The following KREMEN1 variants were observed in gnomAD, a reference collection of about 807,000 sequenced individuals.
KREMEN1 encodes kremen protein 1.
A neutral mutation model predicts 46.5 loss-of-function variants in KREMEN1; 30 were observed. The observed-to-expected ratio is 0.65, with a 90% CI of 0.48 to 0.88. The LOEUF (loss-of-function observed/expected upper bound fraction) is 0.88. KREMEN1 is among the 40% of genes least tolerant of loss of function. The pLI is 0.00. For missense variants in KREMEN1, 533 were observed against 596.9 expected, an observed-to-expected ratio of 0.89 and a Z score of 1.11; for synonymous variants, 214 against 230.6, an observed-to-expected ratio of 0.93 and a Z score of 0.65.
chr22:29,168,184 A>C (rs921163468), exon 10 of KREMEN1: 11 of 151,874 alleles, frequency 7.2e-5, no homozygotes, highest in African/African-American at 2.7e-4. Flanking sequence ...AAAATACAAA[A>C]ATTAGTTGGG....
rs1405063311 is a variant in KREMEN1 at position 29,131,594 on chromosome 22, GTATA to G, written c.632-5746_632-5743del. 6.7e-4 allele frequency among the ~76,000 whole-genome samples: 82 copies of G among 121,884 alleles called. 1 individual carries two copies. The East Asian group carries it at 8.6e-3, about 13-fold the overall frequency. The allele number at this position is 121,884 out of a possible 152,430, so 80.0% of individuals were successfully genotyped here. A position where few individuals can be genotyped will look rare whatever the true frequency, so the allele number is the denominator to read the frequency against. On this transcript the variant is annotated intron_variant, in intron 5 of 8. Coordinates refer to ENST00000400335, the MANE Select transcript of KREMEN1 (RefSeq NM_001039570.3). The stretch of plus-strand genomic sequence containing the variant: ...TGTGTGTGTGTGTGTGTGTGTGTGT[GTATA>G]TGTATATATGTGTGTATATATATGT...
intron 2 of KREMEN1, among the ~76,000 whole-genome samples, chr22:29,096,805 G>A (rs1193879286): frequency 1.3e-5 from 2 of 152,160 alleles, no homozygotes; most frequent in East Asian, 1.9e-4. Flanking sequence ...GCTGAACACC[G>A]AATAGAGGGA....
rs547901551 is a variant in KREMEN1, at chr22:29,146,500, G to A, written c.*4388G>A. 3 of 985,414 alleles carry A rather than the reference G, an allele frequency of 3.0e-6. No individual in the cohort carries two copies. The highest frequency in any genetic ancestry group is 1.1e-4 in the East Asian group (1 of 8,820). 61.0% of individuals were successfully genotyped at this position (985,414 alleles called of 1,614,324 possible). On this transcript the variant is annotated 3_prime_UTR_variant, in exon 9 of 9. Coordinates refer to ENST00000400335, the MANE Select transcript of KREMEN1 (RefSeq NM_001039570.3). ...ACACAAAGACTGGAGGCCCTTCCCC[G>A]CCCGCACGGGAGCTGCCATCGTGGG...
chr22:29,117,357 G>A lies in KREMEN1; in HGVS notation c.353-4000G>A, dbSNP rs577044835. Among the ~76,000 whole-genome samples, 17 of 152,300 alleles carry A rather than the reference G, an allele frequency of 1.1e-4. 1 individual carries two copies. The South Asian group carries it at 3.1e-3, about 28-fold the overall frequency. ...CCAAGGTGGGCGGATCGCAAGGTCA[G>A]GAGATCGAGACCATCCTGGCTAACA... On this transcript the variant is annotated intron_variant, in intron 3 of 8. Transcript: ENST00000400335.
Position 29,098,924 on chromosome 22 carries a change from G to C in KREMEN1, c.323G>C (p.Trp108Ser). 5 of 1,613,856 alleles carry C rather than the reference G, an allele frequency of 3.1e-6. No homozygotes were observed. The highest frequency in any genetic ancestry group is 4.2e-6 in the Non-Finnish European group (5 of 1,179,734). The change falls in exon 3 of 9, where the codon TGG (tryptophan) becomes TCG (serine). Residue 108 changes from tryptophan (W) to serine (S), a missense_variant. Transcript: ENST00000400335. Reference protein sequence around the residue: ...YVAEHEDGVYWKYCEIPACQM... With the variant: ...YVAEHEDGVYSKYCEIPACQM... Reference sequence around the variant, plus strand: ...GCAGAGCACGAGGATGGTGTCTACTGGAAGTACTGTGAGATACCTGCTTGC... The same window carrying C: ...GCAGAGCACGAGGATGGTGTCTACTCGAAGTACTGTGAGATACCTGCTTGC...
At chr22:29,167,071 C>T in exon 10 of KREMEN1, 1 of 1,551,700 alleles carries the variant, frequency 6.4e-7, no homozygotes, top group Non-Finnish European at 8.7e-7. Flanking sequence ...AGTGACATCA[C>T]TCATCTGGTC....
chr22:29,151,665 C>T (rs1018845858), downstream of KREMEN1, among the ~76,000 whole-genome samples: 2 of 152,070 alleles, frequency 1.3e-5, no homozygotes, highest in African/African-American at 2.4e-5. Context: ...TCATGTGTCA[C>T]GAAATGCTAC....
At chr22:29,137,070 C>A (rs985143784) in intron 5 of KREMEN1, among the ~76,000 whole-genome samples, 1 of 152,200 alleles carries the variant, frequency 6.6e-6, no homozygotes, top group Non-Finnish European at 1.5e-5. Flanking sequence ...CCTGCCAGTC[C>A]CAAGTCCAGA....
At chr22:29,094,603 ACACACACACAC>A (rs1389575698) in intron 2 of KREMEN1, among the ~76,000 whole-genome samples, 183 bp downstream of exon 2, 6 of 144,268 alleles carry the variant, frequency 4.2e-5, no homozygotes, top group Non-Finnish European at 8.9e-5. Flanking sequence ...ACACACACAC[ACACACACACAC>A]AATTTACCAC....
Position 29,146,264 on chromosome 22 carries a change from C to T in KREMEN1, c.*4152C>T. The T allele has an allele frequency of 1.0e-6, 1 of 985,946 alleles. No individual in the cohort carries two copies. Among genetic ancestry groups the T allele is most frequent in the Non-Finnish European group, 1.2e-6 (1 of 829,996 alleles). 61.1% of individuals were successfully genotyped at this position (985,946 alleles called of 1,614,324 possible). On this transcript the variant is annotated 3_prime_UTR_variant, in exon 9 of 9. Transcript: ENST00000400335. ...TCCTGGCCAGGTCTCAGCTTAGCTT[C>T]CCTGGTGTGGGGTGTTTTTCAAGCC...
In KREMEN1 at chr22:29,073,178, C is replaced by T. The variant is rs2037499374; in HGVS notation, c.48C>T (p.Leu16=). 1 of 1,180,654 alleles carries T rather than the reference C, an allele frequency of 8.5e-7. No homozygotes were observed. The highest frequency in any genetic ancestry group is 4.0e-5 in the East Asian group (1 of 25,248). 73.1% of individuals were successfully genotyped at this position (1,180,654 alleles called of 1,614,324 possible). Reference sequence around the variant, plus strand: ...TCGCCCTGCTCTCCGCCGCGGCGCTCACGCTGGCGGCCCGGCCCGCGCCTA... The same window carrying T: ...TCGCCCTGCTCTCCGCCGCGGCGCTTACGCTGGCGGCCCGGCCCGCGCCTA... ...ARLALLSAAA[L]TLAARPAPSP... is the part of the protein sequence containing the mutation. Residue 16 remains leucine, a synonymous_variant, in exon 1 of 9, where the codon CTC becomes CTT. Transcript: ENST00000400335. This position sits in a 1 kb window ranked among gnomAD's most constrained non-coding sequence, Gnocchi z 4.4.
rs2038847030 is a variant in KREMEN1 at position 29,145,687 on chromosome 22, AC to A, written c.*3578del. Reference sequence around the variant, plus strand: ...CAAAGCAGAGAATGAGTAGGAGTGAACCCGAGTGACTTCACCCGCCCTGTCC... The same window carrying A: ...CAAAGCAGAGAATGAGTAGGAGTGAACCGAGTGACTTCACCCGCCCTGTCC... On this transcript the variant is annotated 3_prime_UTR_variant, in exon 9 of 9. Transcript: ENST00000400335. 7 of 985,322 alleles carry A rather than the reference AC, an allele frequency of 7.1e-6. No individual in the cohort carries two copies. In the South Asian group the frequency reaches 2.8e-4, roughly 40 times the overall value. The allele number at this position is 985,322 out of a possible 1,614,324, so 61.0% of individuals were successfully genotyped here. A position where few individuals can be genotyped will look rare whatever the true frequency, so the allele number is the denominator to read the frequency against.
In KREMEN1 at chr22:29,145,992, T is replaced by C; in HGVS notation, c.*3880T>C. Reference sequence around the variant, plus strand: ...CAGCCAGGCCATCACCCAGCCCCGATGCATCCTGGCACTGCACGCTTACTC... The same window carrying C: ...CAGCCAGGCCATCACCCAGCCCCGACGCATCCTGGCACTGCACGCTTACTC... On this transcript the variant is annotated 3_prime_UTR_variant, in exon 9 of 9. Coordinates refer to ENST00000400335, the MANE Select transcript of KREMEN1 (RefSeq NM_001039570.3). 1 of 985,976 alleles carries C rather than the reference T, an allele frequency of 1.0e-6. No individual in the cohort carries two copies. The allele number at this position is 985,976 out of a possible 1,614,324, so 61.1% of individuals were successfully genotyped here.
chr22:29,117,867 G>A (rs143275304), intron 3 of KREMEN1, among the ~76,000 whole-genome samples: 1 of 152,160 alleles, frequency 6.6e-6, no homozygotes, highest in Non-Finnish European at 1.5e-5. Context: ...GTATTATAAG[G>A]TATATTATCT....
At chr22:29,136,038 C>T (rs2038651273) in intron 5 of KREMEN1, among the ~76,000 whole-genome samples, 1 of 152,076 alleles carries the variant, frequency 6.6e-6, no homozygotes. Context: ...TCTCCCGTCT[C>T]AGCCTCCCTA....
intron 5 of KREMEN1, among the ~76,000 whole-genome samples, chr22:29,128,095 G>C (rs1477856816): frequency 1.3e-5 from 2 of 152,176 alleles, no homozygotes; most frequent in African/African-American, 4.8e-5. Context: ...GAAGAATATG[G>C]AGTGACTGCT....
In KREMEN1 at chr22:29,146,500, G is replaced by C; in HGVS notation, c.*4388G>C. On this transcript the variant is annotated 3_prime_UTR_variant, in exon 9 of 9. Coordinates refer to ENST00000400335, the MANE Select transcript of KREMEN1 (RefSeq NM_001039570.3). ...ACACAAAGACTGGAGGCCCTTCCCC[G>C]CCCGCACGGGAGCTGCCATCGTGGG... The C allele has an allele frequency of 1.0e-6, 1 of 985,532 alleles. No homozygotes were observed. The highest frequency in any genetic ancestry group is 1.2e-6 in the Non-Finnish European group (1 of 829,938). 61.0% of individuals were successfully genotyped at this position (985,532 alleles called of 1,614,324 possible).
chr22:29,131,560 A>ATATATATATGTG (rs1240832937), intron 5 of KREMEN1, among the ~76,000 whole-genome samples: 20 of 69,926 alleles, frequency 2.9e-4, no homozygotes, highest in African/African-American at 1.3e-3. Context: ...ATATATATAT[A>ATATATATATGTG]TGTGTGTGTG....
At chr22:29,152,100 T>C (rs74428829) in intron 9 of KREMEN1, among the ~76,000 whole-genome samples, 6,236 of 151,056 alleles carry the variant, frequency 0.041, 216 homozygotes, top group East Asian at 0.11. Context: ...TACATTTAAA[T>C]TGTGGAGGAA....
Sources: allele counts gnomAD v4.1 joint callset (sites outside exome capture counted in the v4.1 genomes callset), GRCh38; gene constraint gnomAD v4.1.1; non-coding constraint Gnocchi (gnomAD v3.1); transcripts MANE v1.5; gene names NCBI Gene and HGNC (gene_info 2026-07-23, HGNC 2026-07-21).